IL18RAP: variants seen among roughly 807,000 people sequenced by gnomAD.
The protein encoded by IL18RAP is interleukin-18 receptor accessory protein.
Under a neutral mutation model 58.1 loss-of-function variants are expected in IL18RAP, and 37 were observed. The observed-to-expected ratio is 0.64, with a 90% CI of 0.49 to 0.84. The LOEUF is 0.84. Ranked by LOEUF, IL18RAP falls within the 40% of genes least tolerant of loss-of-function variation. The pLI, the probability that IL18RAP is intolerant of heterozygous loss-of-function variation, is 0.00. For synonymous variants in IL18RAP, 268 were observed against 257.5 expected (o/e 1.04, Z -0.39); for missense variants, 667 against 704.8 (o/e 0.95, Z 0.61).
In IL18RAP at chr2:102,452,431, T is replaced by G; in HGVS notation, c.*250T>G. The G allele has an allele frequency of 2.3e-6, 1 of 427,640 alleles. No individual in the cohort carries two copies. Among genetic ancestry groups the G allele is most frequent in the Non-Finnish European group, 4.1e-6 (1 of 242,024 alleles). 26.5% of individuals were successfully genotyped at this position (427,640 alleles called of 1,614,324 possible). A position where few individuals can be genotyped will look rare whatever the true frequency, so the allele number is the denominator to read the frequency against. On this transcript the variant is annotated 3_prime_UTR_variant, in exon 10 of 10. Transcript: ENST00000687160. ...CTTTCAGTACACAACACCCCTAAGATTTCCCAGTGGTCCGAGCAGAATCAG... is the reference window on the plus strand; with the variant it reads ...CTTTCAGTACACAACACCCCTAAGAGTTCCCAGTGGTCCGAGCAGAATCAG...
At chr2:102,447,706 TTATGTATGTATG>T (rs142110985) in intron 8 of IL18RAP, among the ~76,000 whole-genome samples, 3 of 149,228 alleles carry the variant, frequency 2.0e-5, no homozygotes, top group African/African-American at 7.5e-5. Flanking sequence ...ATTCATTCAT[TTATGTATGTATG>T]TATGTATGTA....
At chr2:102,425,954 C>T (rs1681912369) in intron 3 of IL18RAP, among the ~76,000 whole-genome samples, 1 of 152,134 alleles carries the variant, frequency 6.6e-6, no homozygotes, top group African/African-American at 2.4e-5. Flanking sequence ...GGTGAACAGG[C>T]AGCCACCTTA....
intron 6 of IL18RAP, 36 bp from the exon 7 acceptor site, chr2:102,445,153 T>C: frequency 6.2e-7 from 1 of 1,600,438 alleles, no homozygotes; most frequent in Non-Finnish European, 8.6e-7. Context: ...TCAATGTATG[T>C]TACTGAATGG....
At chr2:102,422,814 G>A (rs79954317), upstream of IL18RAP, among the ~76,000 whole-genome samples, 136 of 152,218 alleles carry the variant, frequency 8.9e-4, 3 homozygotes, top group African/African-American at 2.7e-3. Flanking sequence ...TTTCCTAACC[G>A]TGAAAAATCT....
chr2:102,439,446 T>C (rs1369441544), intron 4 of IL18RAP: 1 of 152,452 alleles, frequency 6.6e-6, no homozygotes, highest in African/African-American at 2.4e-5. Flanking sequence ...AAGCCAGCCT[T>C]TGAGCTGGTC....
chr2:102,430,571 C>T lies in IL18RAP; in HGVS notation c.579+6157C>T, dbSNP rs1682276439. ...CAAGGTGATTATTGGTAGATAAGCA[C>T]AGGCTGTTGCCATTTTGTAACTTAT... is the stretch of plus-strand genomic sequence containing the variant. On this transcript the variant is annotated intron_variant, in intron 3 of 9. Coordinates refer to ENST00000687160, the MANE Select transcript of IL18RAP (RefSeq NM_001393487.1). Among the ~76,000 whole-genome samples the T allele has an allele frequency of 3.3e-5, 5 of 152,202 alleles. No individual in the cohort carries two copies. The South Asian group carries it at 1.0e-3, about 32-fold the overall frequency.
At chr2:102,426,330 A>G (rs1390614997) in intron 3 of IL18RAP, among the ~76,000 whole-genome samples, 8 of 152,164 alleles carry the variant, frequency 5.3e-5, no homozygotes, top group Non-Finnish European at 1.5e-5. Flanking sequence ...CACCAGATAT[A>G]CAGAGTATAC....
At chr2:102,436,956 C>T (rs1467834486) in intron 3 of IL18RAP, among the ~76,000 whole-genome samples, 2 of 152,024 alleles carry the variant, frequency 1.3e-5, no homozygotes, top group African/African-American at 4.8e-5. Flanking sequence ...TGTTAAATAG[C>T]TGTTTAGGGG....
At chr2:102,419,171 A>G (rs893613038), upstream of IL18RAP, among the ~76,000 whole-genome samples, 41 of 152,218 alleles carry the variant, frequency 2.7e-4, no homozygotes, top group African/African-American at 9.4e-4. Context: ...AAGTGCTTTG[A>G]GCATTTTACA....
At chr2:102,421,939 C>G (rs1326942474), upstream of IL18RAP, among the ~76,000 whole-genome samples, 1 of 152,108 alleles carries the variant, frequency 6.6e-6, no homozygotes, top group African/African-American at 2.4e-5. Flanking sequence ...TCTCCTCACT[C>G]TCACTTGTAT....
Position 102,423,986 on chromosome 2 carries a change from C to G in IL18RAP, c.246C>G (p.Val82=), listed in dbSNP as rs1383687194. The change falls in exon 2 of 10, where the codon GTC becomes GTG. Residue 82 remains valine, a synonymous_variant. Transcript: ENST00000687160. ...TGGGTAGTAACGACCTATCTGATGT[C>G]CAATGGTACCAACAACCTTCGAATG... ...PFMGSNDLSD[V]QWYQQPSNGD... 1 of 1,614,078 alleles carries G rather than the reference C, an allele frequency of 6.2e-7. No homozygotes were observed. Among genetic ancestry groups the G allele is most frequent in the Non-Finnish European group, 8.5e-7 (1 of 1,180,000 alleles).
intron 3 of IL18RAP, among the ~76,000 whole-genome samples, chr2:102,427,500 G>T (rs1378527148): frequency 6.6e-6 from 1 of 151,936 alleles, no homozygotes; most frequent in Non-Finnish European, 1.5e-5. Flanking sequence ...ATAGTTGTTG[G>T]CCATTTGCAT....
chr2:102,447,613 C>T (rs375310740), intron 8 of IL18RAP, among the ~76,000 whole-genome samples: 33 of 152,226 alleles, frequency 2.2e-4, no homozygotes, highest in East Asian at 2.1e-3. Context: ...TTTGTTTCCT[C>T]ATCTATAAAA....
intron 1 of IL18RAP, 27 bp from the exon 2 acceptor site, chr2:102,423,784 A>G (rs1170217342): frequency 3.9e-6 from 5 of 1,295,418 alleles, no homozygotes; most frequent in South Asian, 1.2e-5. Flanking sequence ...ATGTGTTTCC[A>G]TGTGCTTTGT....
At position 102,423,324 on chromosome 2, in the gene IL18RAP, G is replaced by T. The variant is rs142509174; in HGVS notation, c.47G>T (p.Arg16Leu). Residue 16 changes from arginine (R) to leucine (L), a missense_variant, in exon 1 of 10, where the codon CGA (arginine) becomes CTA (leucine). Physicochemically the swap from Arg to Leu is moderately radical, Grantham distance 102 (BLOSUM62 -2). Transcript: ENST00000687160. ...WIFLWLVAGE[R>L]IKGFNISGCS... The stretch of plus-strand genomic sequence containing the variant: ...TTTCTTTGGCTTGTTGCAGGAGAGC[G>T]AATTAAAGGATTTAATATTTCAGGT... 1.1e-5 allele frequency: 17 copies of T among 1,613,868 alleles called. No homozygotes were observed. The highest frequency in any genetic ancestry group is 1.4e-5 in the Non-Finnish European group (17 of 1,179,904).
rs1417388782 is a variant in IL18RAP at position 102,452,164 on chromosome 2, C to T, written c.1783C>T (p.Gln595Ter). ...SRTETTGRSS[Q>*]PKEW ...AACAGAAACCACTGGGAGGAGCTCC[C>T]AGCCTAAGGAATGGTGAAATGAGCC... Residue 595 changes from glutamine (Q) to a stop codon, truncating the protein, a stop_gained, in exon 10 of 10, where the codon CAG (glutamine) becomes TAG (stop). Transcript: ENST00000687160. LOFTEE classifies it high-confidence loss of function. The T allele has an allele frequency of 1.2e-5, 20 of 1,606,356 alleles. No homozygotes were observed. The highest frequency in any genetic ancestry group is 1.6e-5 in the Non-Finnish European group (19 of 1,176,460).
At chr2:102,434,787 T>G (rs1326141474) in intron 3 of IL18RAP, 1 of 152,252 alleles carries the variant, frequency 6.6e-6, no homozygotes, top group Non-Finnish European at 1.5e-5. Flanking sequence ...TCTGCCATAC[T>G]CCTGTGAACC....
intron 5 of IL18RAP, among the ~76,000 whole-genome samples, chr2:102,442,343 C>T (rs11123927): frequency 0.26 from 39,218 of 151,586 alleles, 5,376 homozygotes; most frequent in East Asian, 0.4. Context: ...GCTACTAAAA[C>T]ATTTATTATT....
At chr2:102,446,405 G>A (rs1356019982) in intron 7 of IL18RAP, among the ~76,000 whole-genome samples, 7 of 152,004 alleles carry the variant, frequency 4.6e-5, no homozygotes, top group Non-Finnish European at 8.8e-5. Context: ...CCCGTCACCC[G>A]AGCAGTGTAC....
Sources: gnomAD v4.1 joint callset for allele counts (sites outside exome capture counted in the v4.1 genomes callset) on GRCh38, gnomAD v4.1.1 for gene constraint, MANE v1.5 for transcripts, NCBI Gene and HGNC (gene_info 2026-07-23, HGNC 2026-07-21) for gene names.